CCDC85A: variants seen among roughly 807,000 people sequenced by gnomAD.
CCDC85A encodes coiled-coil domain containing 85A.
A neutral mutation model predicts 50.2 loss-of-function variants in CCDC85A; 38 were observed. That is an observed-to-expected ratio of 0.76 (90% CI 0.58 to 0.99). The LOEUF (loss-of-function observed/expected upper bound fraction) is 0.99, where lower values mean the gene tolerates loss of function less well. Ranked by LOEUF, CCDC85A falls within the 50% of genes least tolerant of loss-of-function variation. CCDC85A has a pLI of 0.00. For synonymous variants in CCDC85A, 366 were observed against 301.4 expected (o/e 1.21, Z -2.22); for missense variants, 820 against 742.0 (o/e 1.11, Z -1.22).
At chr2:56,251,678 T>C (rs1258156866) in intron 2 of CCDC85A, among the ~76,000 whole-genome samples, 2 of 152,060 alleles carry the variant, frequency 1.3e-5, no homozygotes, top group African/African-American at 2.4e-5. Context: ...GTTCCTGTTC[T>C]TATTATTGGG....
chr2:56,198,611 T>C (rs1303774420), intron 2 of CCDC85A, among the ~76,000 whole-genome samples: 1 of 152,184 alleles, frequency 6.6e-6, no homozygotes, highest in East Asian at 1.9e-4. Flanking sequence ...GAAAATATAG[T>C]TTGTTTAAGA....
At chr2:56,251,917 T>C (rs968041886) in intron 2 of CCDC85A, among the ~76,000 whole-genome samples, 1 of 152,116 alleles carries the variant, frequency 6.6e-6, no homozygotes, top group Admixed American at 6.5e-5. Context: ...TTATTATTAT[T>C]ATACTTTAAG....
At chr2:56,361,027 G>T (rs552281542) in intron 3 of CCDC85A, among the ~76,000 whole-genome samples, 2 of 152,322 alleles carry the variant, frequency 1.3e-5, no homozygotes, top group African/African-American at 4.8e-5. Flanking sequence ...GCCAAGGCGG[G>T]CAGATCACAA....
At chr2:56,208,894 C>T (rs1441254449) in intron 2 of CCDC85A, among the ~76,000 whole-genome samples, 3 of 151,986 alleles carry the variant, frequency 2.0e-5, no homozygotes, top group Non-Finnish European at 4.4e-5. Context: ...CCTTGGTACC[C>T]CACAGCAGAC....
At chr2:56,270,540 C>T (rs1158887390) in intron 2 of CCDC85A, among the ~76,000 whole-genome samples, 1 of 152,146 alleles carries the variant, frequency 6.6e-6, no homozygotes, top group Admixed American at 6.5e-5. Context: ...TTACTGCGTA[C>T]CCCTGAGCGT....
At chr2:56,339,792 C>G (rs1674266334) in intron 2 of CCDC85A, among the ~76,000 whole-genome samples, 1 of 151,252 alleles carries the variant, frequency 6.6e-6, no homozygotes, top group Non-Finnish European at 1.5e-5. Flanking sequence ...CAGTGTAAAT[C>G]AGGCAATCTA....
rs551475492 is a variant in CCDC85A, at chr2:56,193,348, G to A, written c.1148G>A (p.Gly383Asp). 1.2e-6 allele frequency: 2 copies of A among 1,611,934 alleles called. No homozygotes were observed. The highest frequency in any genetic ancestry group is 1.3e-5 in the African/African-American group (1 of 75,010). Residue 383 changes from glycine to aspartate, a missense_variant, in exon 2 of 6, where the codon GGC (glycine) becomes GAC (aspartate). Transcript: ENST00000407595. ...KHGGGSGGSG[G>D]SGGGSREGTL... ...GGAGGAGGCAGTGGAGGAAGTGGAGGCAGCGGCGGAGGCAGCAGGGAGGGC... is the reference window on the plus strand; with the variant it reads ...GGAGGAGGCAGTGGAGGAAGTGGAGACAGCGGCGGAGGCAGCAGGGAGGGC...
Position 56,184,796 on chromosome 2 carries a change from C to G in CCDC85A, c.172C>G (p.Arg58Gly). Residue 58 changes from arginine to glycine, a missense_variant, in exon 1 of 6, where the codon CGC becomes GGC. Coordinates refer to ENST00000407595, the MANE Select transcript of CCDC85A (RefSeq NM_001080433.2). The part of the protein sequence containing the change: ...SKEELIRSLR[R>G]AEAEKVSAML... ...GGAGGAGCTGATCCGCAGCCTGCGG[C>G]GCGCCGAGGCGGAGAAGGTGAGCGC... The G allele has an allele frequency of 6.5e-7, 1 of 1,546,242 alleles. No homozygotes were observed. The highest frequency in any genetic ancestry group is 8.7e-7 in the Non-Finnish European group (1 of 1,146,030).
chr2:56,362,678 G>A (rs1164773465), intron 3 of CCDC85A, among the ~76,000 whole-genome samples: 2 of 152,078 alleles, frequency 1.3e-5, no homozygotes, highest in Non-Finnish European at 2.9e-5. Context: ...GAGTGCAGTG[G>A]TGTGATCTCA....
chr2:56,291,081 A>G (rs1261076052), intron 2 of CCDC85A, among the ~76,000 whole-genome samples: 4 of 152,238 alleles, frequency 2.6e-5, no homozygotes, highest in Admixed American at 1.3e-4. Context: ...GGCACAACTG[A>G]TGATGAATTG....
At position 56,317,517 on chromosome 2, in the gene CCDC85A, A is replaced by G. The variant is rs374025305; in HGVS notation, c.1241-25362A>G. ...GGAAAATTAAACACTTAACCAGGCA[A>G]CTCAGTTCATCTGTCCCCAGACTCT... On this transcript the variant is annotated intron_variant, in intron 2 of 5. Transcript: ENST00000407595. 1.6e-3 allele frequency among the ~76,000 whole-genome samples: 249 copies of G among 152,168 alleles called. 2 individuals carry two copies. The highest frequency in any genetic ancestry group is 5.7e-3 in the African/African-American group (236 of 41,546).
At chr2:56,382,398 G>A (rs756302692) in intron 5 of CCDC85A, among the ~76,000 whole-genome samples, 10 of 151,936 alleles carry the variant, frequency 6.6e-5, no homozygotes, top group Non-Finnish European at 1.0e-4. Context: ...TCTACACAGC[G>A]AAAAGGTTAT....
intron 3 of CCDC85A, among the ~76,000 whole-genome samples, chr2:56,361,215 C>G (rs1036968875): frequency 6.6e-6 from 1 of 151,594 alleles, no homozygotes; most frequent in Non-Finnish European, 1.5e-5. Flanking sequence ...GATCGCGCCA[C>G]TGCACTCCAG....
At chr2:56,262,751 C>G (rs909263035) in intron 2 of CCDC85A, among the ~76,000 whole-genome samples, 2 of 152,174 alleles carry the variant, frequency 1.3e-5, no homozygotes, top group East Asian at 1.9e-4. Flanking sequence ...ATTCTGCTTT[C>G]TGATAGAGCC....
At chr2:56,255,649 C>T (rs1419260485) in intron 2 of CCDC85A, among the ~76,000 whole-genome samples, 1 of 152,066 alleles carries the variant, frequency 6.6e-6, no homozygotes, top group African/African-American at 2.4e-5. Flanking sequence ...GAGAATAAGA[C>T]CAGGTCATTG....
chr2:56,325,733 G>A (rs868269530), intron 2 of CCDC85A, among the ~76,000 whole-genome samples: 8 of 152,212 alleles, frequency 5.3e-5, no homozygotes, highest in South Asian at 4.1e-4. Context: ...ACCTCTGAGA[G>A]TTGGGTTGTA....
chr2:56,328,500 T>G (rs1673591021), intron 2 of CCDC85A, among the ~76,000 whole-genome samples: 2 of 152,178 alleles, frequency 1.3e-5, no homozygotes, highest in Non-Finnish European at 2.9e-5. Flanking sequence ...CGCTGTGGAC[T>G]TCACATTTAA....
chr2:56,194,251 T>A (rs1280756554), intron 2 of CCDC85A, among the ~76,000 whole-genome samples: 2 of 152,256 alleles, frequency 1.3e-5, no homozygotes, highest in Admixed American at 1.3e-4. Flanking sequence ...CTACATTTGC[T>A]GAGGCAGTGC....
In CCDC85A at chr2:56,197,942, A is replaced by G. The variant is rs996526549; in HGVS notation, c.1240+4502A>G. Among the ~76,000 whole-genome samples the G allele has an allele frequency of 4.6e-5, 7 of 152,192 alleles. No individual in the cohort carries two copies. The South Asian group carries it at 1.5e-3, about 32-fold the overall frequency. On this transcript the variant is annotated intron_variant, in intron 2 of 5. Transcript: ENST00000407595. The stretch of plus-strand genomic sequence containing the variant: ...AAAGAAGCACATGAGTTTCTAACCT[A>G]TTTACGGCGGATGTCGGTGACGCCT...
Sources: gnomAD v4.1 joint callset for allele counts (sites outside exome capture counted in the v4.1 genomes callset) on GRCh38, gnomAD v4.1.1 for gene constraint, MANE v1.5 for transcripts, NCBI Gene and HGNC (gene_info 2026-07-23, HGNC 2026-07-21) for gene names.